IL10RB: variants seen among roughly 807,000 people sequenced by gnomAD.
IL10RB encodes interleukin 10 receptor subunit beta.
IL10RB carries 30 observed loss-of-function variants against 38.7 expected under a neutral mutation model. The ratio of observed to expected loss-of-function variants is 0.78; its 90% CI spans 0.58 to 1.05. The LOEUF (loss-of-function observed/expected upper bound fraction) is 1.05. Among genes scored for constraint, IL10RB ranks in the 50% least tolerant of loss-of-function variants. The pLI is 0.00. For synonymous variants in IL10RB, 142 were observed against 145.9 expected (o/e 0.97, Z 0.19); for missense variants, 328 against 397.1 (o/e 0.83, Z 1.48).
intron 1 of IL10RB, among the ~76,000 whole-genome samples, chr21:33,303,206 C>CT (rs1413704633): frequency 1.3e-5 from 2 of 152,182 alleles, no homozygotes; most frequent in African/African-American, 4.8e-5. Context: ...GTCCATAAAA[C>CT]TACAGAAGCC....
At chr21:33,304,752 T>G (rs1303182118) in intron 1 of IL10RB, among the ~76,000 whole-genome samples, 2 of 152,252 alleles carry the variant, frequency 1.3e-5, no homozygotes, top group Non-Finnish European at 2.9e-5. Context: ...ATGTTTCAGT[T>G]GACTGAATTG....
intron 2 of IL10RB, among the ~76,000 whole-genome samples, chr21:33,273,783 G>T (rs373467150): frequency 6.6e-6 from 1 of 152,162 alleles, no homozygotes; most frequent in Admixed American, 6.6e-5. Flanking sequence ...TCTTCACCAG[G>T]AATAAATTCC....
Position 33,276,780 on chromosome 21 carries a change from T to TG in IL10RB, c.331+28dup, listed in dbSNP as rs772049964. ...TAAGCCATTTTGTTTTCCCTTTTTT[T>TG]GTAATGTCATCATCTTGCCTTGTTT... On this transcript the variant is annotated intron_variant, in intron 3 of 6. Coordinates refer to ENST00000290200, the MANE Select transcript of IL10RB (RefSeq NM_000628.5). 6 of 1,600,758 alleles carry TG rather than the reference T, an allele frequency of 3.7e-6. 1 individual carries two copies. Among genetic ancestry groups the TG allele is most frequent in the Non-Finnish European group, 5.1e-6 (6 of 1,167,964 alleles).
intron 3 of IL10RB, among the ~76,000 whole-genome samples, chr21:33,278,067 A>T (rs993692494): frequency 1.4e-5 from 2 of 139,780 alleles, no homozygotes; most frequent in Non-Finnish European, 3.1e-5. Context: ...AAAAAAAAAA[A>T]TTAGCCAGGC....
intron 1 of IL10RB, among the ~76,000 whole-genome samples, chr21:33,305,026 T>C (rs1454906041): frequency 6.6e-6 from 1 of 152,146 alleles, no homozygotes; most frequent in African/African-American, 2.4e-5. Flanking sequence ...CCAAAAAAGG[T>C]AAAGAGCCTA....
chr21:33,271,629 G>A (rs1049432966), intron 2 of IL10RB, among the ~76,000 whole-genome samples: 3 of 151,786 alleles, frequency 2.0e-5, no homozygotes, highest in African/African-American at 7.3e-5. Flanking sequence ...TCAGAAGGCT[G>A]AGGCAGGAGA....
Position 33,281,927 on chromosome 21 carries a change from G to T in IL10RB, c.499-1167G>T, listed in dbSNP as rs192646935. On this transcript the variant is annotated intron_variant, in intron 4 of 6. Transcript: ENST00000290200. ...GCCCAGACGTGAAAGGGCAGAAAAA[G>T]CCCCAGCAGGGATTGAGAAGGTCCC... Among the ~76,000 whole-genome samples, 39 of 152,226 alleles carry T rather than the reference G, an allele frequency of 2.6e-4. No homozygotes were observed. In the East Asian group the frequency reaches 7.2e-3, roughly 28 times the overall value.
downstream of IL10RB, among the ~76,000 whole-genome samples, chr21:33,298,306 G>C (rs964564432): frequency 3.3e-5 from 5 of 152,076 alleles, no homozygotes; most frequent in Non-Finnish European, 7.4e-5. Flanking sequence ...TTCAATGTTT[G>C]CTGCATGTAT....
chr21:33,268,620 GT>G, intron 2 of IL10RB, 103 bp downstream of exon 2: 3 of 852,402 alleles, frequency 3.5e-6, no homozygotes, highest in Non-Finnish European at 6.2e-6. Flanking sequence ...TACGGTCACC[GT>G]GTGACTGTGA....
chr21:33,277,668 C>CTTTTTTTTTTTTT (rs1216043179), intron 3 of IL10RB, among the ~76,000 whole-genome samples: 23 of 92,978 alleles, frequency 2.5e-4, no homozygotes, highest in Non-Finnish European at 3.1e-4. Flanking sequence ...TTCTTTCTTT[C>CTTTTTTTTTTTTT]TTTTTTTTTT....
intron 6 of IL10RB, among the ~76,000 whole-genome samples, chr21:33,292,658 G>T (rs1187188087): frequency 6.8e-6 from 1 of 148,006 alleles, no homozygotes. Flanking sequence ...TTTTCAAACA[G>T]AGTACAATTA....
At chr21:33,271,405 G>A (rs112632485) in intron 2 of IL10RB, among the ~76,000 whole-genome samples, 6 of 152,226 alleles carry the variant, frequency 3.9e-5, no homozygotes, top group South Asian at 2.1e-4. Flanking sequence ...TATTTAATGC[G>A]GGGAGAAGTA....
chr21:33,266,392 C>G lies in IL10RB; in HGVS notation c.-74C>G. Reference sequence around the variant, plus strand: ...ATCTCCGCTGGTTCCCGGAAGCCGCCGCGGACAAGCTCTCCCGGGCGCGGG... The same window carrying G: ...ATCTCCGCTGGTTCCCGGAAGCCGCGGCGGACAAGCTCTCCCGGGCGCGGG... On this transcript the variant is annotated 5_prime_UTR_variant, in exon 1 of 7. Coordinates refer to ENST00000290200, the MANE Select transcript of IL10RB (RefSeq NM_000628.5). 6.7e-7 allele frequency: 1 copy of G among 1,497,822 alleles called. No homozygotes were observed. Among genetic ancestry groups the G allele is most frequent in the Non-Finnish European group, 9.0e-7 (1 of 1,115,840 alleles). The allele number at this position is 1,497,822 out of a possible 1,614,324, so 92.8% of individuals were successfully genotyped here.
At chr21:33,266,571 C>A (rs560938396) in intron 1 of IL10RB, 57 bp downstream of exon 1, 6 of 1,502,850 alleles carry the variant, frequency 4.0e-6, no homozygotes, top group East Asian at 4.9e-5. Context: ...CGCGAGATGC[C>A]GCCCCTGATC....
At chr21:33,270,620 C>T (rs1208534107) in intron 2 of IL10RB, among the ~76,000 whole-genome samples, 6 of 151,918 alleles carry the variant, frequency 3.9e-5, no homozygotes, top group East Asian at 1.9e-4. Flanking sequence ...GTGATCCACC[C>T]GCCTTGGCTT....
Position 33,269,333 on chromosome 21 carries a change from CA to C in IL10RB, c.173+819del, listed in dbSNP as rs546323762. ...AGGTGACACACCTTTAGGCCAGGCG[CA>C]AACAGCAGCAGGAGGCCCAAGGCTG... On this transcript the variant is annotated intron_variant, in intron 2 of 6. Transcript: ENST00000290200. Among the ~76,000 whole-genome samples, 372 of 152,348 alleles carry C rather than the reference CA, an allele frequency of 2.4e-3. 5 individuals are homozygous for C. Among genetic ancestry groups the C allele is most frequent in the African/African-American group, 8.6e-3 (359 of 41,578 alleles).
chr21:33,288,013 T>A, intron 5 of IL10RB, 91 bp from the exon 6 acceptor site: 1 of 1,230,492 alleles, frequency 8.1e-7, no homozygotes, highest in Non-Finnish European at 1.2e-6. Context: ...GTACAGGCTC[T>A]GTTTTCAGGG....
At chr21:33,270,201 T>C (rs1413661506) in intron 2 of IL10RB, among the ~76,000 whole-genome samples, 2 of 152,206 alleles carry the variant, frequency 1.3e-5, no homozygotes, top group Non-Finnish European at 2.9e-5. Flanking sequence ...ATAATTAATT[T>C]TTTTCCTGAT....
intron 6 of IL10RB, among the ~76,000 whole-genome samples, chr21:33,289,262 A>G (rs45557043): frequency 4.6e-5 from 7 of 152,220 alleles, no homozygotes; most frequent in African/African-American, 9.7e-5. Context: ...CACAGCCTCC[A>G]TTACAGTCAC....
Sources: gnomAD v4.1 joint callset for allele counts (sites outside exome capture counted in the v4.1 genomes callset) on GRCh38, gnomAD v4.1.1 for gene constraint, MANE v1.5 for transcripts, NCBI Gene and HGNC (gene_info 2026-07-23, HGNC 2026-07-21) for gene names.